Variants in LIG1 observed in about 807,000 individuals in gnomAD.
LIG1 encodes DNA ligase 1, also known as ligase I, DNA, ATP-dependent.
Under a neutral mutation model 115.7 loss-of-function variants are expected in LIG1, and 70 were observed. The ratio of observed to expected loss-of-function variants is 0.60; its 90% CI spans 0.50 to 0.74. The LOEUF is 0.74. Among genes scored for constraint, LIG1 ranks in the 30% least tolerant of loss-of-function variants. LIG1 has a pLI of 0.00. For missense variants in LIG1, 1,115 were observed against 1,225.6 expected (o/e 0.91, Z 1.35); for synonymous variants, 487 against 495.3 (o/e 0.98, Z 0.22).
chr19:48,119,714 A>T (rs1365537728), intron 24 of LIG1, among the ~76,000 whole-genome samples: 2 of 151,438 alleles, frequency 1.3e-5, no homozygotes, highest in African/African-American at 4.9e-5. Flanking sequence ...AATTTTTTAA[A>T]AAAGTTTTTG....
chr19:48,145,581 T>C (rs12462811), intron 9 of LIG1, among the ~76,000 whole-genome samples: 49,014 of 151,962 alleles, frequency 0.32, 8,526 homozygotes, highest in East Asian at 0.55. Context: ...CCAAGACAGA[T>C]AGTGCCACTG....
chr19:48,146,517 T>C (rs2035121509), intron 9 of LIG1, among the ~76,000 whole-genome samples: 2 of 152,102 alleles, frequency 1.3e-5, no homozygotes, highest in African/African-American at 4.8e-5. Flanking sequence ...TCTGTCTCTA[T>C]TAAAAATACA....
intron 9 of LIG1, among the ~76,000 whole-genome samples, chr19:48,145,734 G>GT (rs1308039567): frequency 6.6e-6 from 1 of 152,214 alleles, no homozygotes; most frequent in Non-Finnish European, 1.5e-5. Flanking sequence ...CTCCCCACCT[G>GT]TGTGGCCTGA....
intron 23 of LIG1, 34 bp from the exon 24 acceptor site, chr19:48,121,356 G>C: frequency 6.4e-7 from 1 of 1,563,660 alleles, no homozygotes; most frequent in Middle Eastern, 1.7e-4. Context: ...TGAGAAGGGG[G>C]AGCGCCCAAG....
chr19:48,142,912 G>A (rs1244760220), intron 11 of LIG1, among the ~76,000 whole-genome samples: 2 of 152,138 alleles, frequency 1.3e-5, no homozygotes, highest in Non-Finnish European at 2.9e-5. Context: ...CGATGTGCTG[G>A]AATTAAGGCA....
chr19:48,147,067 G>C (rs183599077), intron 9 of LIG1, among the ~76,000 whole-genome samples: 1 of 152,108 alleles, frequency 6.6e-6, no homozygotes, highest in Non-Finnish European at 1.5e-5. Context: ...AGAATCCTCC[G>C]AACACTTTTT....
chr19:48,149,233 G>A (rs1046366173), intron 9 of LIG1, among the ~76,000 whole-genome samples: 2 of 152,178 alleles, frequency 1.3e-5, no homozygotes, highest in Non-Finnish European at 2.9e-5. Flanking sequence ...GGAGGTGGAG[G>A]CTGTGGTGAG....
chr19:48,133,228 G>A (rs929045249), intron 17 of LIG1, 131 bp from the exon 18 acceptor site: 43 of 691,560 alleles, frequency 6.2e-5, no homozygotes, highest in Middle Eastern at 5.4e-4. Context: ...AGCCTCCCAC[G>A]TTTTAGAAGG....
At chr19:48,133,149 G>T (rs1310746399) in intron 17 of LIG1, 52 bp from the exon 18 acceptor site, 1 of 1,179,544 alleles carries the variant, frequency 8.5e-7, no homozygotes, top group Non-Finnish European at 1.3e-6. Context: ...TGGATTAGAG[G>T]GGGAACATGG....
At chr19:48,132,818 G>A (rs1322916623) in intron 18 of LIG1, among the ~76,000 whole-genome samples, 164 bp downstream of exon 18, 1,979 of 80,698 alleles carry the variant, frequency 0.025, no homozygotes, top group African/African-American at 0.082. Flanking sequence ...AAAAAAAAAA[G>A]AACACACTCA....
chr19:48,164,824 C>G (rs1343581498), intron 2 of LIG1, among the ~76,000 whole-genome samples: 1 of 152,224 alleles, frequency 6.6e-6, no homozygotes, highest in Non-Finnish European at 1.5e-5. Context: ...AACCTAGACA[C>G]TATTGACATG....
intron 1 of LIG1, chr19:48,165,901 G>A (rs544392599): frequency 2.7e-4 from 111 of 415,524 alleles, no homozygotes; most frequent in Admixed American, 2.0e-3. Context: ...GACCTGAAAT[G>A]GGTTTTTTTG....
chr19:48,150,057 C>G (rs1299442466), intron 8 of LIG1, 31 bp downstream of exon 8: 2 of 1,614,086 alleles, frequency 1.2e-6, no homozygotes, highest in Admixed American at 3.3e-5. Context: ...CTGTACAACC[C>G]CGGGAGGTGG....
chr19:48,125,498 A>G (rs1766512963), intron 21 of LIG1, among the ~76,000 whole-genome samples: 1 of 147,832 alleles, frequency 6.8e-6, no homozygotes, highest in East Asian at 2.0e-4. Context: ...AGATGGGCCT[A>G]ACGGAGAAAA....
chr19:48,142,629 C>T (rs901887237), intron 11 of LIG1, among the ~76,000 whole-genome samples: 10 of 151,972 alleles, frequency 6.6e-5, no homozygotes, highest in Non-Finnish European at 1.3e-4. Context: ...GCAGAATGAG[C>T]CGTACCCATG....
chr19:48,166,937 GCAACAGAGTAACACT>G (rs2036511925), intron 1 of LIG1, among the ~76,000 whole-genome samples: 1 of 147,312 alleles, frequency 6.8e-6, no homozygotes, highest in Non-Finnish European at 1.5e-5. Context: ...TCTAGCCTGG[GCAACAGAGTAACACT>G]CTGTCTCAAA....
intron 24 of LIG1, among the ~76,000 whole-genome samples, chr19:48,119,529 C>CTTTTT (rs71334267): frequency 5.9e-5 from 4 of 67,980 alleles, no homozygotes; most frequent in African/African-American, 1.4e-4. Context: ...CACTTCCAGT[C>CTTTTT]TTTTTTTTTT....
chr19:48,123,185 T>C lies in LIG1; in HGVS notation c.2138A>G (p.Gln713Arg). The change falls in exon 22 of 28, where the codon CAG (glutamine) becomes CGG (arginine). Residue 713 changes from glutamine to arginine, a missense_variant. Gln to Arg is a conservative substitution (Grantham distance 43). Transcript: ENST00000263274. ...DIEQIAEFLE[Q>R]SVKDSCEGLM... Reference sequence around the variant, plus strand: ...GTGAGCACCCTCACCTTTCACTGACTGCTCCAGGAACTCGGCGATCTGCTC... The same window carrying C: ...GTGAGCACCCTCACCTTTCACTGACCGCTCCAGGAACTCGGCGATCTGCTC... The C allele has an allele frequency of 6.2e-7, 1 of 1,614,094 alleles. No individual in the cohort carries two copies. Among genetic ancestry groups the C allele is most frequent in the Non-Finnish European group, 8.5e-7 (1 of 1,180,016 alleles).
chr19:48,162,582 C>T (rs1002989827), intron 2 of LIG1, among the ~76,000 whole-genome samples: 2 of 151,954 alleles, frequency 1.3e-5, no homozygotes, highest in Non-Finnish European at 2.9e-5. Context: ...TACAGGCACC[C>T]GCCACCATGC....
Sources: allele counts gnomAD v4.1 joint callset (sites outside exome capture counted in the v4.1 genomes callset), GRCh38; gene constraint gnomAD v4.1.1; transcripts MANE v1.5; gene names NCBI Gene and HGNC (gene_info 2026-07-23, HGNC 2026-07-21).